The following SMCHD1 variants were observed in gnomAD, a reference collection of about 807,000 sequenced individuals.
The protein encoded by SMCHD1 is structural maintenance of chromosomes flexible hinge domain-containing protein 1.
In SMCHD1, 78 loss-of-function variants were observed where a neutral mutation model predicts 254.7. That is an observed-to-expected ratio of 0.31 (90% CI 0.26 to 0.37). The LOEUF (loss-of-function observed/expected upper bound fraction) is 0.37. Among genes scored for constraint, SMCHD1 ranks in the 10% least tolerant of loss-of-function variants. The pLI, the probability that SMCHD1 is intolerant of heterozygous loss-of-function variation, is 1.00. For synonymous variants in SMCHD1, 766 were observed against 794.9 expected, an observed-to-expected ratio of 0.96 and a Z score of 0.61; for missense variants, 1,840 against 2,408.1, an observed-to-expected ratio of 0.76 and a Z score of 4.94.
chr18:2,723,650 C>T (rs2074970910), intron 20 of SMCHD1, among the ~76,000 whole-genome samples: 1 of 152,076 alleles, frequency 6.6e-6, no homozygotes, highest in South Asian at 2.1e-4. Flanking sequence ...TCCAGATAAC[C>T]TCTTCTCTTC....
chr18:2,691,593 T>C (rs2074181683), intron 7 of SMCHD1: 1 of 152,236 alleles, frequency 6.6e-6, no homozygotes, highest in Admixed American at 6.5e-5. Context: ...AGACACTGAA[T>C]CATGCTAGCT....
intron 5 of SMCHD1, among the ~76,000 whole-genome samples, chr18:2,685,094 ATTTTTTTCTTT>A (rs1480277568): frequency 2.4e-5 from 2 of 81,880 alleles, no homozygotes; most frequent in Admixed American, 1.9e-4. Context: ...TCTGTCCCTT[ATTTTTTTCTTT>A]TTTTTTTTTT....
chr18:2,803,523 G>GTAAGT lies in SMCHD1; in HGVS notation c.*973_*977dup, dbSNP rs1255853531. The GTAAGT allele has an allele frequency of 6.6e-5, 10 of 152,060 alleles. No individual in the cohort carries two copies. The highest frequency in any genetic ancestry group is 2.1e-4 in the South Asian group (1 of 4,836). 9.4% of individuals were successfully genotyped at this position (152,060 alleles called of 1,614,324 possible). On this transcript the variant is annotated 3_prime_UTR_variant, in exon 48 of 48. Coordinates refer to ENST00000320876, the MANE Select transcript of SMCHD1 (RefSeq NM_015295.3). ...TTTTGTAAGGACATACATTTGGTAA[G>GTAAGT]TAAGTTTGTGTCCCAGGAAATGTAT... is the stretch of plus-strand genomic sequence containing the variant.
chr18:2,783,360 T>C (rs1568381422), intron 44 of SMCHD1, among the ~76,000 whole-genome samples: 1 of 152,198 alleles, frequency 6.6e-6, no homozygotes, highest in Non-Finnish European at 1.5e-5. Context: ...AAGAAGGCCC[T>C]TTTTCCATAG....
At chr18:2,708,062 A>G (rs954981552) in intron 17 of SMCHD1, 142 bp downstream of exon 17, 2 of 487,536 alleles carry the variant, frequency 4.1e-6, no homozygotes, top group Non-Finnish European at 7.2e-6. Flanking sequence ...CAGGAATGTT[A>G]TGAATAGCTC....
chr18:2,750,215 T>G, intron 31 of SMCHD1, 93 bp downstream of exon 31: 2 of 1,416,838 alleles, frequency 1.4e-6, no homozygotes, highest in Non-Finnish European at 1.9e-6. Flanking sequence ...TCCTTCTGTT[T>G]AATGTTAGGC....
At chr18:2,793,814 A>T (rs1228321507) in intron 45 of SMCHD1, among the ~76,000 whole-genome samples, 1 of 152,190 alleles carries the variant, frequency 6.6e-6, no homozygotes, top group Non-Finnish European at 1.5e-5. Context: ...TCACAAGCAC[A>T]CACAGATGTG....
intron 4 of SMCHD1, among the ~76,000 whole-genome samples, 160 bp from the exon 5 acceptor site, chr18:2,673,855 A>T (rs1229955838): frequency 6.6e-6 from 1 of 152,238 alleles, no homozygotes; most frequent in Admixed American, 6.5e-5. Context: ...CTTTTGATAC[A>T]TACTGCTGCT....
At chr18:2,728,790 C>G (rs1424426934) in intron 23 of SMCHD1, 194 bp downstream of exon 23, 4 of 492,648 alleles carry the variant, frequency 8.1e-6, no homozygotes, top group African/African-American at 2.0e-5. Context: ...CCAACTGTGC[C>G]CAGTTTCATA....
chr18:2,666,850 A>AT lies in SMCHD1; in HGVS notation c.263-16dup. On this transcript the variant is annotated intron_variant, in intron 2 of 47. Coordinates refer to ENST00000320876, the MANE Select transcript of SMCHD1 (RefSeq NM_015295.3). ...TTCTGATGCTGACCTAGCACTTATG[A>AT]TTTTCACTCTTGATTACAGATGAAA... 1.3e-6 allele frequency: 2 copies of AT among 1,595,340 alleles called. No individual in the cohort carries two copies. Among genetic ancestry groups the AT allele is most frequent in the Middle Eastern group, 3.3e-4 (2 of 5,984 alleles).
chr18:2,695,651 T>C lies in SMCHD1; in HGVS notation c.1040+958T>C, dbSNP rs183938062. Among the ~76,000 whole-genome samples, 627 of 152,276 alleles carry C rather than the reference T, an allele frequency of 4.1e-3. 4 individuals are homozygous for C. Among genetic ancestry groups the C allele is most frequent in the African/African-American group, 0.015 (606 of 41,550 alleles). On this transcript the variant is annotated intron_variant, in intron 8 of 47. Transcript: ENST00000320876. ...TAGCTATGTGATACATACGATTTAC[T>C]GTATTGTTTCCCTAATTTGCATTAG... is the stretch of plus-strand genomic sequence containing the variant.
chr18:2,698,215 G>A (rs2074324472), intron 10 of SMCHD1, among the ~76,000 whole-genome samples, 174 bp downstream of exon 10: 1 of 152,058 alleles, frequency 6.6e-6, no homozygotes, highest in Non-Finnish European at 1.5e-5. Flanking sequence ...TGATTTTTGT[G>A]TACATTCATT....
chr18:2,673,908 G>A, intron 4 of SMCHD1, 107 bp from the exon 5 acceptor site: 1 of 1,098,154 alleles, frequency 9.1e-7, no homozygotes, highest in Non-Finnish European at 1.3e-6. Flanking sequence ...ACTTCCATCA[G>A]TAATGTATAA....
At position 2,755,444 on chromosome 18, in the gene SMCHD1, A is replaced by G. The variant is rs570996484; in HGVS notation, c.4346+2892A>G. 3.3e-5 allele frequency among the ~76,000 whole-genome samples: 5 copies of G among 152,030 alleles called. No individual in the cohort carries two copies. In the South Asian group the frequency reaches 6.3e-4, roughly 19 times the overall value. On this transcript the variant is annotated intron_variant, in intron 34 of 47. Transcript: ENST00000320876. ...CCAAAGTGCTGGGATTACAGATGTGAGCCACCACTCCTGGCTCTGATTTTA... is the reference window on the plus strand; with the variant it reads ...CCAAAGTGCTGGGATTACAGATGTGGGCCACCACTCCTGGCTCTGATTTTA...
intron 9 of SMCHD1, 78 bp from the exon 10 acceptor site, chr18:2,697,753 T>C: frequency 1.1e-6 from 1 of 892,880 alleles, no homozygotes; most frequent in African/African-American, 1.7e-5. Flanking sequence ...TTTTACTTAT[T>C]CTGTTGTTGA....
At chr18:2,784,748 G>C in intron 45 of SMCHD1, 127 bp downstream of exon 45, 1 of 1,103,206 alleles carries the variant, frequency 9.1e-7, no homozygotes, top group South Asian at 1.4e-5. Context: ...ATGTAAGTAA[G>C]ATGTTTTTGT....
chr18:2,780,267 G>T (rs72866576), intron 44 of SMCHD1, among the ~76,000 whole-genome samples: 1 of 102,584 alleles, frequency 9.7e-6, no homozygotes, highest in African/African-American at 3.6e-5. Flanking sequence ...AAAAAAAAAA[G>T]GCAATAATAA....
intron 25 of SMCHD1, among the ~76,000 whole-genome samples, chr18:2,736,897 A>G (rs1264009399): frequency 1.3e-5 from 2 of 152,210 alleles, no homozygotes; most frequent in Non-Finnish European, 2.9e-5. Flanking sequence ...ATTACTGTAT[A>G]TATACCCAAA....
At chr18:2,772,016 GATTT>G (rs1253779963) in intron 40 of SMCHD1, among the ~76,000 whole-genome samples, 17 of 152,180 alleles carry the variant, frequency 1.1e-4, no homozygotes, top group South Asian at 8.3e-4. Context: ...TCTTGGCTAA[GATTT>G]TTTTAAATTC....
Sources: gnomAD v4.1 joint callset for allele counts (sites outside exome capture counted in the v4.1 genomes callset) on GRCh38, gnomAD v4.1.1 for gene constraint, MANE v1.5 for transcripts, NCBI Gene and HGNC (gene_info 2026-07-23, HGNC 2026-07-21) for gene names.